Variants in ZFYVE28 observed in about 807,000 individuals in gnomAD.
ZFYVE28 encodes the protein lateral signaling target protein 2 homolog.
A neutral mutation model predicts 82.1 loss-of-function variants in ZFYVE28; 40 were observed. The observed-to-expected ratio is 0.49, with a 90% CI of 0.38 to 0.63. ZFYVE28 has a LOEUF of 0.63. Among genes scored for constraint, ZFYVE28 ranks in the 30% least tolerant of loss-of-function variants. The pLI is 0.00. For missense variants in ZFYVE28, 1,321 were observed against 1,242.1 expected (o/e 1.06, Z -0.96); for synonymous variants, 612 against 546.1 (o/e 1.12, Z -1.68).
Position 2,418,175 on chromosome 4 carries a change from G to T in ZFYVE28, c.39+110C>A. The T allele has an allele frequency of 9.6e-7, 1 of 1,040,726 alleles. No homozygotes were observed. The highest frequency in any genetic ancestry group is 3.1e-5 in the Admixed American group (1 of 31,970). The allele number at this position is 1,040,726 out of a possible 1,614,324, so 64.5% of individuals were successfully genotyped here. On this transcript the variant is annotated intron_variant, in intron 1 of 12. Transcript: ENST00000290974. The surrounding 1 kb of genome is among the most constrained non-coding windows in gnomAD (Gnocchi z 4.6). The stretch of plus-strand genomic sequence containing the variant: ...GAAGGATGTCGGCGGTGGGGGAAGA[G>T]GCCGGCCACGGACAGGGAAAGGGAG...
chr4:2,274,316 A>C, intron 8 of ZFYVE28, 100 bp from the exon 9 acceptor site: 1 of 1,435,460 alleles, frequency 7.0e-7, no homozygotes, highest in Non-Finnish European at 9.3e-7. Flanking sequence ...GTCCTCGCAG[A>C]CGCTCACCCC....
Position 2,270,837 on chromosome 4 carries a change from G to C in ZFYVE28, c.2552C>G (p.Ser851Cys). Residue 851 changes from serine to cysteine, a missense_variant, in exon 13 of 13, where the codon TCC (serine) becomes TGC (cysteine). By Grantham distance (112) the Ser-to-Cys change is moderately radical. Transcript: ENST00000290974. ...GCGGGGCAGCGGTGCTGAGTGCGAG[G>C]AGCAGCGCGAGCAGAAGATCTGGAA... ...SCGKIFCSRC[S>C]SHSAPLPRYG... 6.2e-7 allele frequency: 1 copy of C among 1,612,904 alleles called. No individual in the cohort carries two copies. Among genetic ancestry groups the C allele is most frequent in the Non-Finnish European group, 8.5e-7 (1 of 1,179,926 alleles).
chr4:2,330,942 A>T (rs528735201), intron 6 of ZFYVE28: 180 of 1,534,410 alleles, frequency 1.2e-4, no homozygotes, highest in Non-Finnish European at 1.4e-4. Flanking sequence ...CCTTGTTTTG[A>T]CACAGGTGGA....
chr4:2,365,086 C>G (rs984421032), intron 1 of ZFYVE28, among the ~76,000 whole-genome samples: 1 of 151,490 alleles, frequency 6.6e-6, no homozygotes, highest in African/African-American at 2.4e-5. Context: ...GCTGGGCCAC[C>G]CCGCAGGCAG....
At chr4:2,381,653 C>G (rs1728745960) in intron 1 of ZFYVE28, among the ~76,000 whole-genome samples, 1 of 152,202 alleles carries the variant, frequency 6.6e-6, no homozygotes, top group South Asian at 2.1e-4. Context: ...ATGATCTTCC[C>G]ACCTCAGCCT....
intron 1 of ZFYVE28, among the ~76,000 whole-genome samples, chr4:2,399,042 C>CAGGGCACAAGCGTGGAGGTGAGATCG (rs1730839832): frequency 8.8e-6 from 1 of 113,594 alleles, no homozygotes; most frequent in Non-Finnish European, 1.7e-5. Context: ...GGGTGAGATC[C>CAGGGCACAAGCGTGGAGGTGAGATCG]AGGGCACAAG....
chr4:2,280,796 A>G (rs17132396), intron 8 of ZFYVE28, among the ~76,000 whole-genome samples: 16,595 of 152,266 alleles, frequency 0.11, 1,848 homozygotes, highest in African/African-American at 0.27. Context: ...GGAGAAGCCC[A>G]TGGGAAGTAT....
chr4:2,273,794 G>A (rs1265244689), intron 9 of ZFYVE28, among the ~76,000 whole-genome samples: 2 of 152,174 alleles, frequency 1.3e-5, no homozygotes, highest in African/African-American at 4.8e-5. Context: ...CCTAGCGCCT[G>A]GCTCTTCTGC....
At chr4:2,397,901 C>T (rs1479488216) in intron 1 of ZFYVE28, among the ~76,000 whole-genome samples, 1 of 151,810 alleles carries the variant, frequency 6.6e-6, no homozygotes, top group Non-Finnish European at 1.5e-5. Flanking sequence ...GCCACGCCTA[C>T]AGGATGTGCG....
chr4:2,396,005 G>C (rs1482162593), intron 1 of ZFYVE28, among the ~76,000 whole-genome samples: 1 of 152,154 alleles, frequency 6.6e-6, no homozygotes, highest in Non-Finnish European at 1.5e-5. Context: ...AGACCCACTG[G>C]GTGAGTCTCT....
rs763071074 is a variant in ZFYVE28 at position 2,274,208 on chromosome 4, G to A, written c.2060C>T (p.Thr687Ile). The A allele has an allele frequency of 6.2e-7, 1 of 1,613,258 alleles. No individual in the cohort carries two copies. Among genetic ancestry groups the A allele is most frequent in the South Asian group, 1.1e-5 (1 of 91,076 alleles). ...PQALSGSSSSTAGSCSSDKMG... is the reference protein window; with the variant it reads ...PQALSGSSSSIAGSCSSDKMG... ...CTTGTCTGAGGAGCAGGACCCAGCT[G>A]TGGAGCTGCTGCATGGAGAAGGAGA... The change falls in exon 9 of 13, where the codon ACA (threonine) becomes ATA (isoleucine). Residue 687 changes from threonine (T) to isoleucine (I), a missense_variant. Thr to Ile is a moderately conservative substitution (Grantham distance 89). Transcript: ENST00000290974.
chr4:2,347,827 C>T (rs1329329785), intron 2 of ZFYVE28, among the ~76,000 whole-genome samples: 2 of 152,074 alleles, frequency 1.3e-5, no homozygotes, highest in Non-Finnish European at 2.9e-5. Context: ...GAAAGGCATT[C>T]ATTCTCTAAC....
chr4:2,303,834 C>G (rs12504907), intron 8 of ZFYVE28, among the ~76,000 whole-genome samples: 26,275 of 152,272 alleles, frequency 0.17, 2,430 homozygotes, highest in Admixed American at 0.25. Context: ...CCGGTGTGAG[C>G]CAGGCAGCCA....
At chr4:2,387,234 C>T (rs1729365839) in intron 1 of ZFYVE28, among the ~76,000 whole-genome samples, 1 of 152,222 alleles carries the variant, frequency 6.6e-6, no homozygotes, top group African/African-American at 2.4e-5. Context: ...GAAGCACAGT[C>T]CAGCCTAGGG....
chr4:2,397,744 C>T (rs6833066), intron 1 of ZFYVE28, among the ~76,000 whole-genome samples: 45,423 of 151,948 alleles, frequency 0.3, 7,734 homozygotes, highest in African/African-American at 0.46. Context: ...TAGTATGTGT[C>T]GGAATGTCCT....
chr4:2,353,973 T>G lies in ZFYVE28; in HGVS notation c.140A>C (p.Gln47Pro), dbSNP rs1392181895. Residue 47 changes from glutamine (Q) to proline (P), a missense_variant, in exon 2 of 13, where the codon CAG becomes CCG. Physicochemically the swap from Gln to Pro is moderately conservative, Grantham distance 76. Around this residue, in one of 2 missense-constraint regions of ZFYVE28, gnomAD observed 343 missense variants for 408.4 expected, o/e 0.84. Transcript: ENST00000290974. Reference protein sequence around the residue: ...LDSLDGRKDPQRCTLLVSQFR... With the variant: ...LDSLDGRKDPPRCTLLVSQFR... The stretch of plus-strand genomic sequence containing the variant: ...CTGGCTGACCAGCAGCGTGCACCGC[T>G]GGGGGTCCTTCCGCCCATCCAGGCT... The G allele has an allele frequency of 6.3e-7, 1 of 1,583,342 alleles. No homozygotes were observed. The highest frequency in any genetic ancestry group is 1.4e-5 in the African/African-American group (1 of 73,584).
intron 1 of ZFYVE28, among the ~76,000 whole-genome samples, chr4:2,383,236 T>G (rs1193590907): frequency 5.3e-5 from 8 of 152,120 alleles, no homozygotes; most frequent in Admixed American, 5.2e-4. Context: ...AATTCTCACA[T>G]GTTGTGGGAG....
Position 2,416,657 on chromosome 4 carries a change from G to GCAGGAGGA in ZFYVE28, c.39+1620_39+1627dup, listed in dbSNP as rs1246210969. Among the ~76,000 whole-genome samples, 1 of 152,184 alleles carries GCAGGAGGA rather than the reference G, an allele frequency of 6.6e-6. No homozygotes were observed. Reference sequence around the variant, plus strand: ...GGACCGAGAGGGGCTCGAAGGCGCCGCAGGAGGAGAGGCTGGGCGCAGACG... The same window carrying GCAGGAGGA: ...GGACCGAGAGGGGCTCGAAGGCGCCGCAGGAGGACAGGAGGAGAGGCTGGGCGCAGACG... On this transcript the variant is annotated intron_variant, in intron 1 of 12. Coordinates refer to ENST00000290974, the MANE Select transcript of ZFYVE28 (RefSeq NM_020972.3). The surrounding 1 kb of genome is among the most constrained non-coding windows in gnomAD (Gnocchi z 4.6).
intron 8 of ZFYVE28, among the ~76,000 whole-genome samples, chr4:2,302,541 C>A (rs535614807): frequency 6.6e-6 from 1 of 152,250 alleles, no homozygotes; most frequent in African/African-American, 2.4e-5. Context: ...TGGATGCCAA[C>A]TGCAGCCACG....
Sources: allele counts gnomAD v4.1 joint callset (sites outside exome capture counted in the v4.1 genomes callset), GRCh38; gene constraint gnomAD v4.1.1; regional missense constraint gnomAD v4.1.1; non-coding constraint Gnocchi (gnomAD v3.1); transcripts MANE v1.5; gene names NCBI Gene and HGNC (gene_info 2026-07-23, HGNC 2026-07-21).